Variants in CNTNAP5 observed in about 807,000 individuals in gnomAD.
CNTNAP5 encodes contactin associated protein family member 5.
In CNTNAP5, 72 loss-of-function variants were observed where a neutral mutation model predicts 150.2. The observed-to-expected ratio is 0.48, with a 90% CI of 0.40 to 0.58. The LOEUF (loss-of-function observed/expected upper bound fraction) is 0.58. Among genes scored for constraint, CNTNAP5 ranks in the 20% least tolerant of loss-of-function variants. The pLI is 0.00. For missense variants in CNTNAP5, 1,636 were observed against 1,626.2 expected (o/e 1.01, Z -0.10); for synonymous variants, 672 against 619.8 (o/e 1.08, Z -1.25).
Position 124,100,384 on chromosome 2 carries a change from A to T in CNTNAP5, c.82+74652A>T, listed in dbSNP as rs556796951. Among the ~76,000 whole-genome samples the T allele has an allele frequency of 5.9e-5, 9 of 152,312 alleles. No homozygotes were observed. In the South Asian group the frequency reaches 1.9e-3, roughly 32 times the overall value. On this transcript the variant is annotated intron_variant, in intron 1 of 23. Transcript: ENST00000682447. ...CGAGGACAAATATACAAACTATATC[A>T]CAAACCTACTTTGCTTGTGAAAAAA...
chr2:124,776,698 ATG>A (rs1336616195), intron 17 of CNTNAP5, among the ~76,000 whole-genome samples: 2 of 152,176 alleles, frequency 1.3e-5, no homozygotes. Flanking sequence ...GCATGATGTC[ATG>A]TGTCTCACAG....
chr2:124,340,831 G>T (rs969895934), intron 3 of CNTNAP5, among the ~76,000 whole-genome samples: 7 of 137,724 alleles, frequency 5.1e-5, no homozygotes, highest in Admixed American at 1.4e-4. Context: ...ATATATATGC[G>T]TGTGCGTGTG....
chr2:124,359,199 T>A (rs1690122376), intron 3 of CNTNAP5, among the ~76,000 whole-genome samples: 1 of 152,108 alleles, frequency 6.6e-6, no homozygotes, highest in Non-Finnish European at 1.5e-5. Flanking sequence ...CTCTCTTTTT[T>A]TCTTTATTAG....
chr2:124,338,319 C>T (rs962136955), intron 3 of CNTNAP5, among the ~76,000 whole-genome samples: 5 of 152,148 alleles, frequency 3.3e-5, no homozygotes, highest in Admixed American at 1.3e-4. Context: ...CAAAGAGGGA[C>T]AATTTGATTT....
At chr2:124,437,111 A>G (rs1398374252) in intron 5 of CNTNAP5, among the ~76,000 whole-genome samples, 1 of 152,166 alleles carries the variant, frequency 6.6e-6, no homozygotes, top group Non-Finnish European at 1.5e-5. Flanking sequence ...AGGTTTCATA[A>G]ACACCAGGAT....
chr2:124,350,895 A>T (rs1156893089), intron 3 of CNTNAP5, among the ~76,000 whole-genome samples: 1 of 152,074 alleles, frequency 6.6e-6, no homozygotes, highest in Admixed American at 6.6e-5. Context: ...CCTCATATTT[A>T]AAAAATACAG....
At chr2:124,830,946 A>G (rs1460004167) in intron 19 of CNTNAP5, among the ~76,000 whole-genome samples, 4 of 152,094 alleles carry the variant, frequency 2.6e-5, no homozygotes, top group Non-Finnish European at 4.4e-5. Flanking sequence ...ATAAATCTGA[A>G]AAGCTTCAAA....
intron 13 of CNTNAP5, among the ~76,000 whole-genome samples, chr2:124,677,945 G>C (rs2105065452): frequency 6.6e-6 from 1 of 151,976 alleles, no homozygotes; most frequent in Non-Finnish European, 1.5e-5. Flanking sequence ...GAGAGGAGTG[G>C]GCTGACCTGG....
At chr2:124,262,282 A>C (rs1424611876) in intron 3 of CNTNAP5, among the ~76,000 whole-genome samples, 1 of 152,130 alleles carries the variant, frequency 6.6e-6, no homozygotes, top group African/African-American at 2.4e-5. Context: ...CATTCTAAGC[A>C]GGACTATGAT....
At chr2:124,563,873 G>C (rs1239844605) in intron 11 of CNTNAP5, among the ~76,000 whole-genome samples, 1 of 152,204 alleles carries the variant, frequency 6.6e-6, no homozygotes. Flanking sequence ...GCTTTTCAAA[G>C]CTTCTACTTG....
chr2:124,299,728 A>C (rs1038429979), intron 3 of CNTNAP5, among the ~76,000 whole-genome samples: 1 of 152,208 alleles, frequency 6.6e-6, no homozygotes, highest in Non-Finnish European at 1.5e-5. Flanking sequence ...CTAACTGTTC[A>C]TGGAAGACAA....
chr2:124,874,503 T>C (rs1025028366), intron 21 of CNTNAP5, among the ~76,000 whole-genome samples: 1 of 152,066 alleles, frequency 6.6e-6, no homozygotes, highest in Non-Finnish European at 1.5e-5. Flanking sequence ...TGAAAGAAAC[T>C]CTGCCTTTTT....
rs987941016 is a variant in CNTNAP5 at position 124,416,788 on chromosome 2, A to G, written c.382-655A>G. 2.0e-5 allele frequency among the ~76,000 whole-genome samples: 3 copies of G among 152,144 alleles called. 1 individual carries two copies. The South Asian group carries it at 6.2e-4, about 32-fold the overall frequency. On this transcript the variant is annotated intron_variant, in intron 3 of 23. Coordinates refer to ENST00000682447, the MANE Select transcript of CNTNAP5 (RefSeq NM_001367498.1). The stretch of plus-strand genomic sequence containing the variant: ...AATAAAATCCTTTCCTTCTAAAAGC[A>G]GATTGTCAGTTATCTTCCATTCCTC...
intron 1 of CNTNAP5, among the ~76,000 whole-genome samples, chr2:124,028,778 G>A (rs1468066419): frequency 2.6e-5 from 4 of 152,098 alleles, no homozygotes; most frequent in African/African-American, 7.2e-5. Context: ...ACAGCTAAGC[G>A]TTCAAATACC....
rs1001166845 is a variant in CNTNAP5 at position 124,920,184 on chromosome 2, A to T, written c.*5896A>T. 6.6e-6 allele frequency among the ~76,000 whole-genome samples: 1 copy of T among 152,108 alleles called. No homozygotes were observed. Among genetic ancestry groups the T allele is most frequent in the Non-Finnish European group, 1.5e-5 (1 of 68,010 alleles). On this transcript the variant is annotated 3_prime_UTR_variant, in exon 24 of 24. Transcript: ENST00000682447. ...AAAGGTGAAGATAATTGTGTTAGTG[A>T]TTAACGCCTGGTCTTATTTTAACGA...
At chr2:124,666,594 A>C (rs1389357705) in intron 13 of CNTNAP5, among the ~76,000 whole-genome samples, 1 of 152,154 alleles carries the variant, frequency 6.6e-6, no homozygotes, top group East Asian at 1.9e-4. Context: ...ATTTCTCTAG[A>C]GTCCCCTTGG....
chr2:124,396,336 C>T (rs1691243074), intron 3 of CNTNAP5, among the ~76,000 whole-genome samples: 1 of 152,168 alleles, frequency 6.6e-6, no homozygotes, highest in South Asian at 2.1e-4. Flanking sequence ...CGTTAATTCC[C>T]TGCATTCGAT....
chr2:124,273,567 C>T (rs1362084805), intron 3 of CNTNAP5, among the ~76,000 whole-genome samples: 2 of 152,142 alleles, frequency 1.3e-5, no homozygotes, highest in East Asian at 3.9e-4. Context: ...AGAACATATA[C>T]ACGGTGTGCT....
At chr2:124,821,416 T>C (rs1476920608) in intron 19 of CNTNAP5, among the ~76,000 whole-genome samples, 2 of 152,202 alleles carry the variant, frequency 1.3e-5, no homozygotes, top group African/African-American at 4.8e-5. Context: ...GAAACACAGA[T>C]GACTGGAACT....
Sources: allele counts gnomAD v4.1 joint callset (sites outside exome capture counted in the v4.1 genomes callset), GRCh38; gene constraint gnomAD v4.1.1; transcripts MANE v1.5; gene names NCBI Gene and HGNC (gene_info 2026-07-23, HGNC 2026-07-21).